DLGAP2: variants seen among roughly 807,000 people sequenced by gnomAD.
DLGAP2 encodes the protein DLG associated protein 2.
DLGAP2 carries 26 observed loss-of-function variants against 100.3 expected under a neutral mutation model. The observed-to-expected ratio is 0.26, with a 90% CI of 0.19 to 0.36. The LOEUF is 0.36. DLGAP2 is among the 10% of genes least tolerant of loss of function. The pLI, the probability that DLGAP2 is intolerant of heterozygous loss-of-function variation, is 1.00. For missense variants in DLGAP2, 1,858 were observed against 1,453.2 expected, an observed-to-expected ratio of 1.28 and a Z score of -4.53; for synonymous variants, 886 against 630.1, an observed-to-expected ratio of 1.41 and a Z score of -6.08.
intron 3 of DLGAP2, among the ~76,000 whole-genome samples, chr8:1,347,470 C>G (rs1266758500): frequency 6.6e-6 from 1 of 152,034 alleles, no homozygotes; most frequent in Non-Finnish European, 1.5e-5. Context: ...TACAGAGCTG[C>G]ATTGCTCTCA....
At chr8:1,077,157 A>C (rs1160988622) in intron 2 of DLGAP2, among the ~76,000 whole-genome samples, 5 of 152,286 alleles carry the variant, frequency 3.3e-5, no homozygotes, top group African/African-American at 9.6e-5. Flanking sequence ...AGTGTTCTCC[A>C]TGTGTGTCTG....
intron 7 of DLGAP2, among the ~76,000 whole-genome samples, chr8:1,631,015 G>A (rs951735945): frequency 1.3e-5 from 2 of 148,438 alleles, no homozygotes; most frequent in South Asian, 4.4e-4. Flanking sequence ...CGGGAGGTCC[G>A]GGTGTCCCGA....
chr8:1,527,348 C>T (rs1468902174), intron 4 of DLGAP2, among the ~76,000 whole-genome samples: 1 of 152,232 alleles, frequency 6.6e-6, no homozygotes, highest in East Asian at 1.9e-4. Context: ...GGAGGGGCCA[C>T]CTGGCACATC....
chr8:1,421,790 C>G (rs1797093771), intron 3 of DLGAP2, among the ~76,000 whole-genome samples: 1 of 151,880 alleles, frequency 6.6e-6, no homozygotes, highest in Non-Finnish European at 1.5e-5. Context: ...ATGGTGAAAC[C>G]CCGTCTCTAC....
chr8:1,245,407 C>G (rs556519218), intron 2 of DLGAP2, among the ~76,000 whole-genome samples: 2 of 152,190 alleles, frequency 1.3e-5, no homozygotes, highest in African/African-American at 4.8e-5. Flanking sequence ...GGAATCTTCT[C>G]TAGCAATAAA....
At chr8:1,568,981 C>T (rs368062254) in intron 6 of DLGAP2, among the ~76,000 whole-genome samples, 6 of 147,272 alleles carry the variant, frequency 4.1e-5, no homozygotes, top group East Asian at 4.1e-4. Flanking sequence ...GACACAAATC[C>T]ATCTCTGCCT....
chr8:1,121,441 C>A (rs1243518951), intron 2 of DLGAP2, among the ~76,000 whole-genome samples: 1 of 151,450 alleles, frequency 6.6e-6, no homozygotes, highest in Non-Finnish European at 1.5e-5. Flanking sequence ...CCATCCTCAT[C>A]CCTTCAGAAC....
At chr8:1,507,770 C>A (rs1799979668) in intron 4 of DLGAP2, among the ~76,000 whole-genome samples, 1 of 152,068 alleles carries the variant, frequency 6.6e-6, no homozygotes. Context: ...GAGTCTTCCT[C>A]CTTCACCCAC....
At chr8:997,899 C>G (rs140717703) in intron 2 of DLGAP2, among the ~76,000 whole-genome samples, 1 of 150,004 alleles carries the variant, frequency 6.7e-6, no homozygotes, top group Non-Finnish European at 1.5e-5. Flanking sequence ...AACACCCATG[C>G]ACATGCATGC....
intron 3 of DLGAP2, among the ~76,000 whole-genome samples, chr8:1,344,128 G>GTGAGTCCGTGTACTCGGGGCCCTGTCC (rs1801489963): frequency 9.3e-6 from 1 of 108,018 alleles, no homozygotes; most frequent in Non-Finnish European, 1.9e-5. Flanking sequence ...GGGCCCTGTC[G>GTGAGTCCGTGTACTCGGGGCCCTGTCC]TGGGTCCGTG....
intron 2 of DLGAP2, among the ~76,000 whole-genome samples, chr8:1,177,657 G>A (rs1329662231): frequency 6.6e-6 from 1 of 152,132 alleles, no homozygotes; most frequent in Non-Finnish European, 1.5e-5. Flanking sequence ...CCCCACACTA[G>A]GTCATTTATA....
At chr8:887,894 A>G (rs1266073494) in intron 1 of DLGAP2, among the ~76,000 whole-genome samples, 4 of 151,972 alleles carry the variant, frequency 2.6e-5, no homozygotes, top group Non-Finnish European at 4.4e-5. Context: ...TGTTCTCTGT[A>G]TTTCCTGAAT....
In DLGAP2 at chr8:1,018,249, C is replaced by G. The variant is rs997740868; in HGVS notation, c.73+110283C>G. Among the ~76,000 whole-genome samples the G allele has an allele frequency of 2.0e-5, 3 of 152,176 alleles. No homozygotes were observed. In the East Asian group the frequency reaches 5.8e-4, roughly 29 times the overall value. On this transcript the variant is annotated intron_variant, in intron 2 of 14. Coordinates refer to ENST00000637795, the MANE Select transcript of DLGAP2 (RefSeq NM_001346810.2). ...GCTCAATCAGATGCGTTATCCCAGA[C>G]TCTGACACCATAGGACTTCCTTCTT...
intron 6 of DLGAP2, among the ~76,000 whole-genome samples, chr8:1,605,550 G>C (rs1011909808): frequency 7.2e-5 from 11 of 152,136 alleles, no homozygotes; most frequent in African/African-American, 2.4e-4. Flanking sequence ...ATTCTTGTGG[G>C]CCTAAGTGCC....
At chr8:910,662 A>T (rs183085130) in intron 2 of DLGAP2, 2 of 152,006 alleles carry the variant, frequency 1.3e-5, no homozygotes, top group African/African-American at 2.4e-5. Context: ...TTGGTTTGCA[A>T]CCTACCTGGA....
At position 1,641,921 on chromosome 8, in the gene DLGAP2, ACCTGTGTC is replaced by A. The variant is rs1563275345; in HGVS notation, c.1810+8876_1810+8883del. Among the ~76,000 whole-genome samples, 106 of 125,090 alleles carry A rather than the reference ACCTGTGTC, an allele frequency of 8.5e-4. 5 individuals carry two copies. The highest frequency in any genetic ancestry group is 4.0e-3 in the East Asian group (18 of 4,450). 82.1% of individuals were successfully genotyped at this position (125,090 alleles called of 152,430 possible). On this transcript the variant is annotated intron_variant, in intron 8 of 14. Transcript: ENST00000637795. Reference sequence around the variant, plus strand: ...GTCACCCTCGACCCCGCCGGCCCTCACCTGTGTCACCCTCGACCCCGCCGGTCCTCACC... The same window carrying A: ...GTCACCCTCGACCCCGCCGGCCCTCAACCCTCGACCCCGCCGGTCCTCACC...
At chr8:1,205,008 G>T (rs1210448872) in intron 2 of DLGAP2, among the ~76,000 whole-genome samples, 1 of 152,162 alleles carries the variant, frequency 6.6e-6, no homozygotes, top group Non-Finnish European at 1.5e-5. Flanking sequence ...TCAGTTGTCT[G>T]TTAAACGGAG....
chr8:986,824 T>C (rs1278029546), intron 2 of DLGAP2, among the ~76,000 whole-genome samples: 2 of 152,092 alleles, frequency 1.3e-5, no homozygotes, highest in Non-Finnish European at 2.9e-5. Flanking sequence ...CATGCCTGGC[T>C]AATTTTTGTA....
intron 3 of DLGAP2, among the ~76,000 whole-genome samples, chr8:1,346,650 G>A (rs914762382): frequency 1.3e-5 from 2 of 151,576 alleles, no homozygotes; most frequent in East Asian, 1.9e-4. Context: ...TTGCACTCAC[G>A]GTAGCTGTGT....
Sources: gnomAD v4.1 joint callset for allele counts (sites outside exome capture counted in the v4.1 genomes callset) on GRCh38, gnomAD v4.1.1 for gene constraint, MANE v1.5 for transcripts, NCBI Gene and HGNC (gene_info 2026-07-23, HGNC 2026-07-21) for gene names.